PABPC4L: variants seen among roughly 807,000 people sequenced by gnomAD.
The protein encoded by PABPC4L is poly(A) binding protein cytoplasmic 4 like, also known as polyadenylate-binding protein 4-like.
For synonymous variants in PABPC4L, 169 were observed against 164.1 expected (o/e 1.03, Z -0.23); for missense variants, 452 against 451.4 (o/e 1.00, Z -0.01).
At chr4:134,052,940 G>A in the PABPC4L span, among the ~76,000 whole-genome samples, 10 of 151,938 alleles carry the variant, frequency 6.6e-5, no homozygotes, top group Non-Finnish European at 1.5e-4. Context: ...TAGTAATTAG[G>A]TATTTTAAAA....
At chr4:133,958,362 T>A in the PABPC4L span, among the ~76,000 whole-genome samples, 46 of 152,174 alleles carry the variant, frequency 3.0e-4, 1 homozygote, top group Admixed American at 3.0e-3. Flanking sequence ...ACTATCAGCA[T>A]TTTGGTCAAA....
chr4:134,032,176 C>T, the PABPC4L span, among the ~76,000 whole-genome samples: 2 of 151,650 alleles, frequency 1.3e-5, no homozygotes, highest in African/African-American at 4.8e-5. Flanking sequence ...CTTATTGATA[C>T]CATAGCAAAG....
chr4:134,159,497 G>A, the PABPC4L span, among the ~76,000 whole-genome samples: 3 of 152,202 alleles, frequency 2.0e-5, no homozygotes, highest in South Asian at 4.1e-4. Context: ...TTTGGGGAGG[G>A]AGAGTAAGCA....
the PABPC4L span, among the ~76,000 whole-genome samples, chr4:133,979,414 G>A: frequency 1.3e-5 from 2 of 152,118 alleles, no homozygotes; most frequent in African/African-American, 4.8e-5. Flanking sequence ...ATGAGTGGAA[G>A]GAAGAATAAG....
At chr4:134,050,871 T>C in the PABPC4L span, among the ~76,000 whole-genome samples, 1 of 120,524 alleles carries the variant, frequency 8.3e-6, no homozygotes, top group Non-Finnish European at 1.7e-5. Context: ...AACATCTATA[T>C]TGACCTTTAT....
At chr4:134,149,048 G>C in the PABPC4L span, among the ~76,000 whole-genome samples, 594 of 152,210 alleles carry the variant, frequency 3.9e-3, 2 homozygotes, top group Non-Finnish European at 7.1e-3. Context: ...AATATATTCA[G>C]TCCAAAGGAT....
At chr4:133,989,472 A>G in the PABPC4L span, among the ~76,000 whole-genome samples, 1 of 152,150 alleles carries the variant, frequency 6.6e-6, no homozygotes, top group Non-Finnish European at 1.5e-5. Flanking sequence ...TTTCACAACA[A>G]GTTTCTCATC....
At chr4:134,038,194 C>A in the PABPC4L span, among the ~76,000 whole-genome samples, 469 of 152,172 alleles carry the variant, frequency 3.1e-3, 17 homozygotes, top group Admixed American at 0.029. Flanking sequence ...GGTGGATAAG[C>A]TTTTTGATGT....
chr4:134,131,026 T>C, the PABPC4L span, among the ~76,000 whole-genome samples: 1 of 151,992 alleles, frequency 6.6e-6, no homozygotes. Flanking sequence ...AAAATCAACA[T>C]AGAAGGGACA....
the PABPC4L span, among the ~76,000 whole-genome samples, chr4:134,069,522 A>T: frequency 6.6e-6 from 1 of 151,944 alleles, no homozygotes; most frequent in South Asian, 2.1e-4. Context: ...TTCTTATTTA[A>T]TCATTTTTCT....
At chr4:133,998,371 T>C in the PABPC4L span, among the ~76,000 whole-genome samples, 24 of 151,648 alleles carry the variant, frequency 1.6e-4, no homozygotes, top group Non-Finnish European at 1.2e-4. Context: ...ATTTGCAATG[T>C]TATCTCTATA....
At chr4:134,101,963 T>A in the PABPC4L span, among the ~76,000 whole-genome samples, 2 of 151,550 alleles carry the variant, frequency 1.3e-5, no homozygotes. Context: ...ACTAGCTTTG[T>A]CTCATTTTAT....
chr4:134,160,701 C>A, the PABPC4L span, among the ~76,000 whole-genome samples: 4 of 151,894 alleles, frequency 2.6e-5, no homozygotes, highest in Admixed American at 2.0e-4. Flanking sequence ...CATAGTAAGA[C>A]TCCATCTCTC....
chr4:133,991,989 A>G, the PABPC4L span, among the ~76,000 whole-genome samples: 1 of 152,164 alleles, frequency 6.6e-6, no homozygotes, highest in African/African-American at 2.4e-5. Flanking sequence ...GTCATAGTAT[A>G]GTTGTTACTG....
At chr4:134,089,094 G>C in the PABPC4L span, among the ~76,000 whole-genome samples, 1 of 152,024 alleles carries the variant, frequency 6.6e-6, no homozygotes, top group Non-Finnish European at 1.5e-5. Context: ...TAGTAACAAA[G>C]AAAAAGTAAG....
the PABPC4L span, among the ~76,000 whole-genome samples, chr4:134,034,425 A>G: frequency 6.6e-6 from 1 of 152,024 alleles, no homozygotes; most frequent in South Asian, 2.1e-4. Context: ...TTCAAGTCTT[A>G]TTTAAGAAAT....
the PABPC4L span, among the ~76,000 whole-genome samples, chr4:134,045,876 T>C: frequency 6.6e-6 from 1 of 152,166 alleles, no homozygotes; most frequent in South Asian, 2.1e-4. Flanking sequence ...AATACATTCA[T>C]TATGAAACAA....
the PABPC4L span, among the ~76,000 whole-genome samples, chr4:134,089,059 G>C: frequency 1.3e-5 from 2 of 152,040 alleles, no homozygotes; most frequent in Non-Finnish European, 2.9e-5. Flanking sequence ...ACTAAAGTCA[G>C]CAGGTTTATA....
At chr4:134,074,207 C>G in the PABPC4L span, among the ~76,000 whole-genome samples, 1 of 152,182 alleles carries the variant, frequency 6.6e-6, no homozygotes, top group East Asian at 1.9e-4. Flanking sequence ...TGCTGGATAC[C>G]CTAAATCGTC....
Sources: gnomAD v4.1 joint callset for allele counts (sites outside exome capture counted in the v4.1 genomes callset) on GRCh38, gnomAD v4.1.1 for gene constraint, MANE v1.5 for transcripts, NCBI Gene and HGNC (gene_info 2026-07-23, HGNC 2026-07-21) for gene names.